Variants in PLXNA2 observed in about 807,000 individuals in gnomAD.
PLXNA2 encodes the protein plexin A2.
Under a neutral mutation model 193.5 loss-of-function variants are expected in PLXNA2, and 91 were observed. That is an observed-to-expected ratio of 0.47 (90% CI 0.40 to 0.56). The LOEUF is 0.56. PLXNA2 is among the 20% of genes least tolerant of loss of function. PLXNA2 has a pLI of 0.00. For missense variants in PLXNA2, 1,995 were observed against 2,503.2 expected (o/e 0.80, Z 4.33); for synonymous variants, 997 against 1,027.3 (o/e 0.97, Z 0.56).
In PLXNA2 at chr1:208,217,279, T is replaced by C; in HGVS notation, c.644A>G (p.Tyr215Cys). 6.2e-7 allele frequency: 1 copy of C among 1,614,026 alleles called. No individual in the cohort carries two copies. The highest frequency in any genetic ancestry group is 8.5e-7 in the Non-Finnish European group (1 of 1,179,984). ...GGAGACAAAATCGCTGTGTAGCTCA[T>C]AGTCGAGCATGGCTGAGGACTCAGG... ...RDPESSAMLDYELHSDFVSSL... is the reference protein window; with the variant it reads ...RDPESSAMLDCELHSDFVSSL... The change falls in exon 2 of 32, where the codon TAT becomes TGT. Residue 215 changes from tyrosine to cysteine, a missense_variant. Physicochemically the swap from Tyr to Cys is radical, Grantham distance 194. Around this residue, in one of 3 missense-constraint regions of PLXNA2, gnomAD observed 702 missense variants for 812.9 expected, o/e 0.86. Transcript: ENST00000367033. This position sits in a 1 kb window ranked among gnomAD's most constrained non-coding sequence, Gnocchi z 4.7.
chr1:208,128,695 CTTTT>C (rs34853346), intron 4 of PLXNA2, among the ~76,000 whole-genome samples: 883 of 81,708 alleles, frequency 0.011, 12 homozygotes, highest in African/African-American at 0.037. Flanking sequence ...CTGTTTCTTT[CTTTT>C]TTTTTTTTTT....
In PLXNA2 at chr1:208,042,229, G is replaced by A. The variant is rs1192021489; in HGVS notation, c.4155C>T (p.Asn1385=). 2.5e-6 allele frequency: 4 copies of A among 1,614,124 alleles called. No homozygotes were observed. The highest frequency in any genetic ancestry group is 2.2e-5 in the East Asian group (1 of 44,896). The change falls in exon 22 of 32, where the codon AAC becomes AAT. Residue 1385 remains asparagine, a synonymous_variant. Coordinates refer to ENST00000367033, the MANE Select transcript of PLXNA2 (RefSeq NM_025179.4). ...GGCCGGTCATGATGAGCGAAGCCAC[G>A]TTGCCCCGGTCGCGCATGGAGAAAC... ...QRSFSMRDRG[N]VASLIMTGLQ... is the part of the protein sequence containing the mutation.
intron 4 of PLXNA2, among the ~76,000 whole-genome samples, chr1:208,125,465 C>T (rs916741294): frequency 2.0e-5 from 3 of 152,126 alleles, no homozygotes; most frequent in Non-Finnish European, 4.4e-5. Flanking sequence ...TCATCCTTGG[C>T]AAACAAATAA....
At chr1:208,135,182 G>C (rs1313378515) in intron 4 of PLXNA2, among the ~76,000 whole-genome samples, 1 of 152,142 alleles carries the variant, frequency 6.6e-6, no homozygotes, top group East Asian at 1.9e-4. Flanking sequence ...GGTCTCTCCT[G>C]CATTTAAGAC....
intron 3 of PLXNA2, among the ~76,000 whole-genome samples, chr1:208,194,494 AAC>A (rs1297414805): frequency 1.3e-5 from 2 of 151,938 alleles, no homozygotes; most frequent in African/African-American, 4.8e-5. Context: ...AGAAAAAAAA[AAC>A]ATACATGCAG....
rs113881679 is a variant in PLXNA2, at chr1:208,082,734, G to A, written c.2299-226C>T. Among the ~76,000 whole-genome samples the A allele has an allele frequency of 9.9e-5, 15 of 152,230 alleles. 1 individual carries two copies. Among genetic ancestry groups the A allele is most frequent in the Admixed American group, 6.5e-4 (10 of 15,300 alleles). On this transcript the variant is annotated intron_variant, in intron 10 of 31. Coordinates refer to ENST00000367033, the MANE Select transcript of PLXNA2 (RefSeq NM_025179.4). The surrounding 1 kb of genome is among the most constrained non-coding windows in gnomAD (Gnocchi z 4.2). Reference sequence around the variant, plus strand: ...CAGCTTTCTCCTCCACTGCTCTCCCGTGGAAAGCTTTGAATCTACCTTTCT... The same window carrying A: ...CAGCTTTCTCCTCCACTGCTCTCCCATGGAAAGCTTTGAATCTACCTTTCT...
rs955707764 is a variant in PLXNA2 at position 208,082,206 on chromosome 1, C to A, written c.2395+206G>T. 6.6e-6 allele frequency among the ~76,000 whole-genome samples: 1 copy of A among 152,162 alleles called. No individual in the cohort carries two copies. The highest frequency in any genetic ancestry group is 1.5e-5 in the Non-Finnish European group (1 of 68,030). ...CGTGGATGGGCCGGCGGCCGCCCAG[C>A]GGATGCTCTGGTTGTAATAAAACAG... On this transcript the variant is annotated intron_variant, in intron 11 of 31. Coordinates refer to ENST00000367033, the MANE Select transcript of PLXNA2 (RefSeq NM_025179.4). The surrounding 1 kb of genome is among the most constrained non-coding windows in gnomAD (Gnocchi z 4.2).
At chr1:208,144,417 C>T (rs1668546489) in intron 3 of PLXNA2, among the ~76,000 whole-genome samples, 1 of 152,150 alleles carries the variant, frequency 6.6e-6, no homozygotes, top group South Asian at 2.1e-4. Context: ...TGGTCTGTAC[C>T]TGTTGGGTTG....
chr1:208,100,895 C>T (rs921702638), intron 5 of PLXNA2, among the ~76,000 whole-genome samples: 3 of 152,190 alleles, frequency 2.0e-5, no homozygotes, highest in Admixed American at 6.5e-5. Flanking sequence ...ACCCGCTCCA[C>T]GGCTGGTGCC....
At position 208,103,268 on chromosome 1, in the gene PLXNA2, G is replaced by C. The variant is rs1454744156; in HGVS notation, c.1507-21C>G. 8 of 1,576,636 alleles carry C rather than the reference G, an allele frequency of 5.1e-6. No homozygotes were observed. In the African/African-American group the frequency reaches 1.1e-4, roughly 21 times the overall value. On this transcript the variant is annotated intron_variant, in intron 4 of 31. Transcript: ENST00000367033. ...GTGACCTGGCAGAGAGAGCAAAGAG[G>C]GTACAGTGAGGTTAGGCTGTGACGA...
intron 3 of PLXNA2, among the ~76,000 whole-genome samples, chr1:208,168,845 T>C (rs1441312106): frequency 1.4e-5 from 2 of 144,836 alleles, no homozygotes; most frequent in Admixed American, 7.2e-5. Context: ...TGAGACCCAA[T>C]CTCAACCAGG....
intron 3 of PLXNA2, among the ~76,000 whole-genome samples, chr1:208,190,689 G>T (rs903581302): frequency 1.3e-5 from 2 of 152,146 alleles, no homozygotes; most frequent in East Asian, 1.9e-4. Flanking sequence ...AAAAGACATC[G>T]CCAGATACTG....
chr1:208,033,020 ATC>A (rs1236289993), intron 28 of PLXNA2, among the ~76,000 whole-genome samples: 4 of 145,832 alleles, frequency 2.7e-5, no homozygotes, highest in Non-Finnish European at 4.5e-5. Flanking sequence ...GAACTGGACT[ATC>A]TCTCTCTCTC....
intron 12 of PLXNA2, among the ~76,000 whole-genome samples, chr1:208,069,103 T>C (rs1489789656): frequency 6.6e-6 from 1 of 152,202 alleles, no homozygotes; most frequent in East Asian, 1.9e-4. Flanking sequence ...GGCCATGCAC[T>C]TCTTGATCTG....
chr1:208,140,207 T>C (rs1668420693), intron 4 of PLXNA2, among the ~76,000 whole-genome samples: 1 of 152,160 alleles, frequency 6.6e-6, no homozygotes, highest in East Asian at 1.9e-4. Context: ...GCTGATGGTC[T>C]CAGAGATGGC....
intron 1 of PLXNA2, among the ~76,000 whole-genome samples, chr1:208,232,377 C>G (rs1671719015): frequency 6.6e-6 from 1 of 152,198 alleles, no homozygotes; most frequent in Admixed American, 6.5e-5. Context: ...CTCTCCTTAC[C>G]CATCTCCTCC....
chr1:208,105,975 C>T (rs1478948792), intron 4 of PLXNA2, among the ~76,000 whole-genome samples: 5 of 152,182 alleles, frequency 3.3e-5, no homozygotes, highest in Non-Finnish European at 7.3e-5. Context: ...CCCACTTTCA[C>T]GCCAAGTGCC....
At chr1:208,048,340 A>G (rs773007504) in intron 17 of PLXNA2, among the ~76,000 whole-genome samples, 1 of 152,198 alleles carries the variant, frequency 6.6e-6, no homozygotes, top group Non-Finnish European at 1.5e-5. Context: ...GCAGGGCTTC[A>G]GGGGCAAAGT....
At chr1:208,195,458 AT>A (rs1670325886) in intron 3 of PLXNA2, among the ~76,000 whole-genome samples, 2 of 152,122 alleles carry the variant, frequency 1.3e-5, no homozygotes, top group Admixed American at 6.5e-5. Flanking sequence ...CACCAAGCTT[AT>A]CCCACCCCCT....
Sources: allele counts gnomAD v4.1 joint callset (sites outside exome capture counted in the v4.1 genomes callset), GRCh38; gene constraint gnomAD v4.1.1; regional missense constraint gnomAD v4.1.1; non-coding constraint Gnocchi (gnomAD v3.1); transcripts MANE v1.5; gene names NCBI Gene and HGNC (gene_info 2026-07-23, HGNC 2026-07-21).